COL6A2: variants seen among roughly 807,000 people sequenced by gnomAD.
COL6A2 encodes collagen alpha-2(VI) chain.
COL6A2 carries 90 observed loss-of-function variants against 124.9 expected under a neutral mutation model. That is an observed-to-expected ratio of 0.72 (90% CI 0.61 to 0.86). The LOEUF is 0.86. COL6A2 is among the 40% of genes least tolerant of loss of function. The pLI, the probability that COL6A2 is intolerant of heterozygous loss-of-function variation, is 0.00. For missense variants in COL6A2, 1,607 were observed against 1,502.5 expected (o/e 1.07, Z -1.15); for synonymous variants, 793 against 618.2 (o/e 1.28, Z -4.19).
intron 27 of COL6A2, 151 bp downstream of exon 27, chr21:46,126,692 A>G: frequency 1.1e-6 from 1 of 943,042 alleles, no homozygotes; most frequent in South Asian, 1.4e-5. Context: ...AGATGGCCCC[A>G]GGATGGCAGC....
At chr21:46,108,026 G>C (rs2078353157) in intron 1 of COL6A2, among the ~76,000 whole-genome samples, 1 of 151,712 alleles carries the variant, frequency 6.6e-6, no homozygotes, top group African/African-American at 2.4e-5. Context: ...ATTTTTCTAA[G>C]TGGCTCACTA....
At chr21:46,126,562 C>T in intron 27 of COL6A2, 21 bp downstream of exon 27, 1 of 1,613,238 alleles carries the variant, frequency 6.2e-7, no homozygotes, top group Non-Finnish European at 8.5e-7. Flanking sequence ...GCACCCTGAG[C>T]CACCACCCCA....
chr21:46,130,751 A>G (rs1231923192), intron 27 of COL6A2, among the ~76,000 whole-genome samples: 2 of 152,204 alleles, frequency 1.3e-5, no homozygotes, highest in African/African-American at 4.8e-5. Context: ...GGGTTTGGGA[A>G]GCCCAGCGGT....
chr21:46,112,629 C>T, intron 3 of COL6A2, 52 bp downstream of exon 3: 2 of 1,598,946 alleles, frequency 1.3e-6, no homozygotes, highest in Non-Finnish European at 1.7e-6. Flanking sequence ...CCACGGTGGG[C>T]CGTCCACCCA....
chr21:46,132,348 G>C lies in COL6A2; in HGVS notation c.2856G>C (p.Thr952=), dbSNP rs138074469. 1 of 1,608,434 alleles carries C rather than the reference G, an allele frequency of 6.2e-7. No homozygotes were observed. The highest frequency in any genetic ancestry group is 8.5e-7 in the Non-Finnish European group (1 of 1,179,572). The change falls in exon 28 of 28, where the codon ACG becomes ACC. Residue 952 remains threonine (T), a synonymous_variant. Coordinates refer to ENST00000300527, the MANE Select transcript of COL6A2 (RefSeq NM_001849.4). ...LSFVFLTDGV[T]GNDSLHESAH... ...TCGTGTTCCTCACGGACGGCGTCAC[G>C]GGCAACGACAGTCTGCACGAGTCGG...
At chr21:46,119,960 C>T (rs1227846881) in intron 15 of COL6A2, 110 bp downstream of exon 15, 7 of 962,216 alleles carry the variant, frequency 7.3e-6, no homozygotes, top group African/African-American at 3.2e-5. Flanking sequence ...CCCAGGGCCT[C>T]ACTCTCCAGA....
intron 5 of COL6A2, among the ~76,000 whole-genome samples, chr21:46,114,713 G>T (rs977031179): frequency 6.6e-6 from 1 of 152,176 alleles, no homozygotes; most frequent in East Asian, 1.9e-4. Flanking sequence ...GTTTTAGGGA[G>T]CCTGGTTTGA....
chr21:46,113,233 T>C (rs1227093633), intron 4 of COL6A2, among the ~76,000 whole-genome samples: 2 of 152,080 alleles, frequency 1.3e-5, no homozygotes, highest in Non-Finnish European at 2.9e-5. Flanking sequence ...AGCAGGCATC[T>C]GAGATCTCCC....
rs1568924811 is a variant in COL6A2, at chr21:46,111,458, G to C, written c.-19G>C. Reference sequence around the variant, plus strand: ...CCCCACCCCTGTTGCAGGACTTCAGGGCCACAGGTGCTGCCAAGATGCTCC... The same window carrying C: ...CCCCACCCCTGTTGCAGGACTTCAGCGCCACAGGTGCTGCCAAGATGCTCC... On this transcript the variant is annotated 5_prime_UTR_variant, in exon 2 of 28. Coordinates refer to ENST00000300527, the MANE Select transcript of COL6A2 (RefSeq NM_001849.4). 1.3e-6 allele frequency: 2 copies of C among 1,598,860 alleles called. No individual in the cohort carries two copies. The highest frequency in any genetic ancestry group is 1.7e-6 in the Non-Finnish European group (2 of 1,167,984).
At position 46,098,156 on chromosome 21, in the gene COL6A2, G is replaced by C. The variant is rs901063083; in HGVS notation, c.-45G>C. 1 of 152,200 alleles carries C rather than the reference G, an allele frequency of 6.6e-6. No homozygotes were observed. The highest frequency in any genetic ancestry group is 2.4e-5 in the African/African-American group (1 of 41,406). The allele number at this position is 152,200 out of a possible 1,614,324, so 9.4% of individuals were successfully genotyped here. ...CCCGCGCCTCGGGCCGTCGGGAGCG[G>C]AGCCTCCTCGGGACCAGGTGAGCGC... is the stretch of plus-strand genomic sequence containing the variant. On this transcript the variant is annotated 5_prime_UTR_variant, in exon 1 of 28. Coordinates refer to ENST00000300527, the MANE Select transcript of COL6A2 (RefSeq NM_001849.4).
In COL6A2 at chr21:46,132,115, G is replaced by A. The variant is rs199606147; in HGVS notation, c.2623G>A (p.Ala875Thr). 271 of 1,583,720 alleles carry A rather than the reference G, an allele frequency of 1.7e-4. 1 individual carries two copies. The highest frequency in any genetic ancestry group is 7.1e-4 in the African/African-American group (53 of 74,238). The change falls in exon 28 of 28, where the codon GCA becomes ACA. Residue 875 changes from alanine to threonine, a missense_variant. Ala to Thr is a moderately conservative substitution (Grantham distance 58). Transcript: ENST00000300527. ...CCGGAGGGACGACGACCCTCTCAAC[G>A]CACGCGTGGCGCTGCTGCAGTTTGG... ...LARRDDDPLN[A>T]RVALLQFGGP...
At chr21:46,121,724 C>G in intron 18 of COL6A2, 106 bp downstream of exon 18, 1 of 1,118,728 alleles carries the variant, frequency 8.9e-7, no homozygotes, top group Non-Finnish European at 1.3e-6. Flanking sequence ...AGACGTGCCT[C>G]AGGACGGGCC....
At chr21:46,119,584 C>T (rs1003437779) in intron 14 of COL6A2, among the ~76,000 whole-genome samples, 5 of 152,342 alleles carry the variant, frequency 3.3e-5, no homozygotes, top group Middle Eastern at 3.4e-3. Flanking sequence ...GCGGGACCGA[C>T]GCAGCAGAGG....
At chr21:46,129,040 C>T in intron 27 of COL6A2, 1 of 1,601,504 alleles carries the variant, frequency 6.2e-7, no homozygotes, top group Non-Finnish European at 8.5e-7. Context: ...CCTGCCAAGG[C>T]CGAGCCACAC....
intron 13 of COL6A2, 53 bp from the exon 14 acceptor site, chr21:46,118,977 C>T (rs2078518830): frequency 2.2e-6 from 3 of 1,387,816 alleles, no homozygotes; most frequent in Middle Eastern, 1.8e-4. Context: ...CAGGCGTGAC[C>T]ATGCCTCAGG....
intron 18 of COL6A2, among the ~76,000 whole-genome samples, chr21:46,121,869 C>T (rs571732855): frequency 3.3e-5 from 5 of 152,158 alleles, no homozygotes; most frequent in East Asian, 1.9e-4. Flanking sequence ...AGGGCAGCTA[C>T]GTGGCCTGAG....
chr21:46,099,641 C>G (rs2078265971), intron 1 of COL6A2, among the ~76,000 whole-genome samples: 1 of 152,154 alleles, frequency 6.6e-6, no homozygotes. Flanking sequence ...GGAAGGGGCC[C>G]TACCCAGCCC....
At chr21:46,126,851 C>G (rs1308989348) in intron 27 of COL6A2, among the ~76,000 whole-genome samples, 1 of 152,198 alleles carries the variant, frequency 6.6e-6, no homozygotes, top group Non-Finnish European at 1.5e-5. Flanking sequence ...CAGTCTCCCT[C>G]AGCTGCCGCC....
At position 46,125,308 on chromosome 21, in the gene COL6A2, T is replaced by TG. The variant is rs1568939232; in HGVS notation, c.1814dup (p.Cys605TrpfsTer4). The TG allele has an allele frequency of 6.2e-7, 1 of 1,610,978 alleles. No homozygotes were observed. Among genetic ancestry groups the TG allele is most frequent in the African/African-American group, 1.3e-5 (1 of 74,992 alleles). Reference sequence around the variant, plus strand: ...CTACGTGAGGGAGACCTGCGGGTGCTGCGGTGAGGCACTGCCCACGGCAGG... The same window carrying TG: ...CTACGTGAGGGAGACCTGCGGGTGCTGGCGGTGAGGCACTGCCCACGGCAGG... On this transcript the variant is annotated frameshift_variant, in exon 24 of 28. Transcript: ENST00000300527. LOFTEE classifies it high-confidence loss of function.
Sources: allele counts gnomAD v4.1 joint callset (sites outside exome capture counted in the v4.1 genomes callset), GRCh38; gene constraint gnomAD v4.1.1; transcripts MANE v1.5; gene names NCBI Gene and HGNC (gene_info 2026-07-23, HGNC 2026-07-21).